Variants in PLXNA2 observed in about 807,000 individuals in gnomAD.
The protein encoded by PLXNA2 is plexin A2.
A neutral mutation model predicts 193.5 loss-of-function variants in PLXNA2; 91 were observed. The observed-to-expected ratio is 0.47, with a 90% CI of 0.40 to 0.56. PLXNA2 has a LOEUF of 0.56. Among genes scored for constraint, PLXNA2 ranks in the 20% least tolerant of loss-of-function variants. The probability of loss-of-function intolerance (pLI) is 0.00; values close to 1 mark genes in which losing one functional copy is unlikely to be tolerated. For missense variants in PLXNA2, 1,995 were observed against 2,503.2 expected (o/e 0.80, Z 4.33); for synonymous variants, 997 against 1,027.3 (o/e 0.97, Z 0.56).
At chr1:208,070,646 G>A (rs543281413) in intron 12 of PLXNA2, among the ~76,000 whole-genome samples, 7 of 152,346 alleles carry the variant, frequency 4.6e-5, no homozygotes, top group African/African-American at 1.7e-4. Flanking sequence ...GTAGCTAGCT[G>A]CAGGTCAAAT....
At position 208,045,098 on chromosome 1, in the gene PLXNA2, G is replaced by A. The variant is rs766873065; in HGVS notation, c.3608C>T (p.Pro1203Leu). 11 of 1,614,030 alleles carry A rather than the reference G, an allele frequency of 6.8e-6. No homozygotes were observed. In the South Asian group the frequency reaches 1.1e-4, roughly 16 times the overall value. ...TVSETQLLCE[P>L]PNLTGQHKVM... is the part of the protein sequence containing the mutation. Reference sequence around the variant, plus strand: ...CTTGTGCTGCCCGGTGAGGTTGGGAGGCTCGCAGAGAAGCTGGGTCTCAGA... The same window carrying A: ...CTTGTGCTGCCCGGTGAGGTTGGGAAGCTCGCAGAGAAGCTGGGTCTCAGA... Residue 1203 changes from proline (P) to leucine (L), a missense_variant, in exon 19 of 32, where the codon CCT becomes CTT. Pro to Leu is a moderately conservative substitution (Grantham distance 98). This residue lies in a region of PLXNA2 where 1,291 missense variants were observed against 1,673.6 expected (regional missense o/e 0.77). Transcript: ENST00000367033.
At chr1:208,057,328 G>A (rs943421) in intron 13 of PLXNA2, among the ~76,000 whole-genome samples, 20,859 of 152,172 alleles carry the variant, frequency 0.14, 1,829 homozygotes, top group East Asian at 0.3. Flanking sequence ...AGGTCAGCTC[G>A]ACTCCAGAGC....
chr1:208,031,292 A>T, intron 29 of PLXNA2: 1 of 1,223,002 alleles, frequency 8.2e-7, no homozygotes, highest in Non-Finnish European at 1.0e-6. Flanking sequence ...AGAACCAGAG[A>T]TCTCAGAGCC....
Position 208,053,728 on chromosome 1 carries a change from T to C in PLXNA2, c.2856+693A>G, listed in dbSNP as rs1006865689. Among the ~76,000 whole-genome samples the C allele has an allele frequency of 8.5e-5, 13 of 152,220 alleles. 1 individual carries two copies. The highest frequency in any genetic ancestry group is 3.1e-4 in the African/African-American group (13 of 41,456). Reference sequence around the variant, plus strand: ...AAGAAGCCAAGTTACTGATTCAGTATGAATATAGCCCTGGGTGGCTCCAGG... The same window carrying C: ...AAGAAGCCAAGTTACTGATTCAGTACGAATATAGCCCTGGGTGGCTCCAGG... On this transcript the variant is annotated intron_variant, in intron 14 of 31. Transcript: ENST00000367033.
chr1:208,046,663 A>G (rs1023826157), intron 17 of PLXNA2, among the ~76,000 whole-genome samples: 3 of 151,466 alleles, frequency 2.0e-5, no homozygotes, highest in African/African-American at 7.3e-5. Context: ...TTTAATCTGA[A>G]GAATGAGTAG....
At chr1:208,197,717 C>T (rs1178556026) in intron 3 of PLXNA2, among the ~76,000 whole-genome samples, 1 of 152,162 alleles carries the variant, frequency 6.6e-6, no homozygotes, top group Non-Finnish European at 1.5e-5. Context: ...AACTGACTCC[C>T]ATTAGGTTAG....
intron 9 of PLXNA2, among the ~76,000 whole-genome samples, chr1:208,092,422 C>T (rs1242312550): frequency 6.6e-6 from 1 of 152,212 alleles, no homozygotes; most frequent in African/African-American, 2.4e-5. Context: ...ACTATGTCTG[C>T]AGCCAAGCAA....
At chr1:208,103,279 G>T in intron 4 of PLXNA2, 32 bp from the exon 5 acceptor site, 2 of 1,545,614 alleles carry the variant, frequency 1.3e-6, no homozygotes, top group South Asian at 1.1e-5. Flanking sequence ...GTACAGTGAG[G>T]TTAGGCTGTG....
chr1:208,185,714 A>AAAG (rs1669974120), intron 3 of PLXNA2, among the ~76,000 whole-genome samples: 1 of 135,920 alleles, frequency 7.4e-6, no homozygotes, highest in Non-Finnish European at 1.6e-5. Context: ...AAAAAAAAAA[A>AAAG]AAAAGGAAAA....
Position 208,236,739 on chromosome 1 carries a change from A to G in PLXNA2, c.-81+6904T>C, listed in dbSNP as rs1671868750. Among the ~76,000 whole-genome samples the G allele has an allele frequency of 1.3e-5, 2 of 152,218 alleles. No homozygotes were observed. The highest frequency in any genetic ancestry group is 4.8e-5 in the African/African-American group (2 of 41,456). ...CACCACCAGAGCAGAAGCGGAAATGACGGCTAGGAAAGGCTCTAGAGACTG... is the reference window on the plus strand; with the variant it reads ...CACCACCAGAGCAGAAGCGGAAATGGCGGCTAGGAAAGGCTCTAGAGACTG... On this transcript the variant is annotated intron_variant, in intron 1 of 31. Transcript: ENST00000367033. This position sits in a 1 kb window ranked among gnomAD's most constrained non-coding sequence, Gnocchi z 4.4.
intron 1 of PLXNA2, among the ~76,000 whole-genome samples, chr1:208,219,686 C>T (rs1335224749): frequency 3.9e-5 from 6 of 152,292 alleles, no homozygotes; most frequent in Middle Eastern, 3.4e-3. Flanking sequence ...TCTGCATCCT[C>T]GGCCTGGCAG....
chr1:208,191,808 AGAG>A (rs1029878175), intron 3 of PLXNA2, among the ~76,000 whole-genome samples: 3 of 152,182 alleles, frequency 2.0e-5, no homozygotes, highest in African/African-American at 7.2e-5. Flanking sequence ...GGGGCTTCCT[AGAG>A]GAGGTGGTGT....
intron 4 of PLXNA2, among the ~76,000 whole-genome samples, chr1:208,132,252 G>T (rs1668179916): frequency 6.6e-6 from 1 of 152,206 alleles, no homozygotes; most frequent in African/African-American, 2.4e-5. Context: ...GAGTTACTGA[G>T]TCTGTGCTGG....
At chr1:208,109,584 C>G (rs1410522152) in intron 4 of PLXNA2, among the ~76,000 whole-genome samples, 3 of 152,194 alleles carry the variant, frequency 2.0e-5, no homozygotes, top group Non-Finnish European at 4.4e-5. Flanking sequence ...GAAGAGAGGA[C>G]AGGTATTGTT....
chr1:208,228,720 C>T (rs1179905898), intron 1 of PLXNA2, among the ~76,000 whole-genome samples: 1 of 152,188 alleles, frequency 6.6e-6, no homozygotes, highest in Non-Finnish European at 1.5e-5. Flanking sequence ...GCCCACCTCT[C>T]CCAGAGTGAC....
In PLXNA2 at chr1:208,191,052, C is replaced by T. The variant is rs549374468; in HGVS notation, c.1371+19228G>A. Among the ~76,000 whole-genome samples, 173 of 152,294 alleles carry T rather than the reference C, an allele frequency of 1.1e-3. 6 individuals carry two copies. In the South Asian group the frequency reaches 0.034, roughly 30 times the overall value. ...AGCTAAGTGAGGCTAAAGGATTTTTCCCTCTGGAAAAGGGCGGTCCCAAAA... is the reference window on the plus strand; with the variant it reads ...AGCTAAGTGAGGCTAAAGGATTTTTTCCTCTGGAAAAGGGCGGTCCCAAAA... On this transcript the variant is annotated intron_variant, in intron 3 of 31. Transcript: ENST00000367033.
At chr1:208,203,388 G>A (rs1046994291) in intron 3 of PLXNA2, among the ~76,000 whole-genome samples, 3 of 152,320 alleles carry the variant, frequency 2.0e-5, no homozygotes, top group Non-Finnish European at 2.9e-5. Context: ...ACGCCTGGGC[G>A]AGTTAGGGTA....
At chr1:208,223,260 C>T (rs1446008054) in intron 1 of PLXNA2, among the ~76,000 whole-genome samples, 1 of 150,440 alleles carries the variant, frequency 6.6e-6, no homozygotes, top group African/African-American at 2.5e-5. Context: ...ATGAAAGACA[C>T]CACAGCCCAC....
In PLXNA2 at chr1:208,152,956, GCACCTA is replaced by G. The variant is rs1209215224; in HGVS notation, c.1372-10499_1372-10494del. ...CCAATCTTTCCTTGGAACTCCCATA[GCACCTA>G]GAATGTCTCTTGGCACAGTTACTTG... On this transcript the variant is annotated intron_variant, in intron 3 of 31. Coordinates refer to ENST00000367033, the MANE Select transcript of PLXNA2 (RefSeq NM_025179.4). Among the ~76,000 whole-genome samples the G allele has an allele frequency of 1.2e-3, 182 of 152,176 alleles. 1 individual carries two copies. The highest frequency in any genetic ancestry group is 4.2e-3 in the African/African-American group (176 of 41,514).
Sources: gnomAD v4.1 joint callset for allele counts (sites outside exome capture counted in the v4.1 genomes callset) on GRCh38, gnomAD v4.1.1 for gene constraint, gnomAD v4.1.1 regional missense constraint, Gnocchi (gnomAD v3.1) non-coding constraint, MANE v1.5 for transcripts, NCBI Gene and HGNC (gene_info 2026-07-23, HGNC 2026-07-21) for gene names.